F5: variants seen among roughly 807,000 people sequenced by gnomAD.
F5 encodes the protein coagulation factor V.
A neutral mutation model predicts 216.4 loss-of-function variants in F5; 138 were observed. The ratio of observed to expected loss-of-function variants is 0.64; its 90% confidence interval spans 0.56 to 0.73. F5 has a LOEUF of 0.73. F5 is among the 30% of genes least tolerant of loss of function. The pLI, the probability that F5 is intolerant of heterozygous loss-of-function variation, is 0.00. For synonymous variants in F5, 916 were observed against 930.7 expected, an observed-to-expected ratio of 0.98 and a Z score of 0.29; for missense variants, 2,403 against 2,674.0, an observed-to-expected ratio of 0.90 and a Z score of 2.24.
chr1:169,542,876 T>C lies in F5; in HGVS notation c.2214A>G (p.Ser738=). ...NRLAAALGIR[S]FRNSSLNQEE... ...CCTGATTCAATGATGAGTTTCGGAA[T>C]GACCTGATTCCTAATGCTGCAGCCA... The change falls in exon 13 of 25, where the codon TCA becomes TCG. Residue 738 remains serine, a synonymous_variant. Coordinates refer to ENST00000367797, the MANE Select transcript of F5 (RefSeq NM_000130.5). The C allele has an allele frequency of 6.2e-7, 1 of 1,614,200 alleles. No individual in the cohort carries two copies. Among genetic ancestry groups the C allele is most frequent in the Non-Finnish European group, 8.5e-7 (1 of 1,180,004 alleles).
Position 169,542,323 on chromosome 1 carries a change from G to T in F5, c.2767C>A (p.Pro923Thr). 4 of 1,599,426 alleles carry T rather than the reference G, an allele frequency of 2.5e-6. No homozygotes were observed. The highest frequency in any genetic ancestry group is 3.4e-6 in the Non-Finnish European group (4 of 1,168,390). Reference sequence around the variant, plus strand: ...AGATCACTAGGAGGGTCCTTCCAGGGCCTCATTCTGGAAGGAGAACCAGTG... The same window carrying T: ...AGATCACTAGGAGGGTCCTTCCAGGTCCTCATTCTGGAAGGAGAACCAGTG... The part of the protein sequence containing the change: ...QDTGSPSRMR[P>T]WKDPPSDLLL... Residue 923 changes from proline (P) to threonine (T), a missense_variant, in exon 13 of 25, where the codon CCC becomes ACC. Physicochemically the swap from Pro to Thr is conservative, Grantham distance 38 (BLOSUM62 -1). This residue lies in a region of F5 where 1,425 missense variants were observed against 1,554.8 expected (regional missense o/e 0.92). Transcript: ENST00000367797.
intron 2 of F5, among the ~76,000 whole-genome samples, chr1:169,576,545 T>C (rs1660853405): frequency 6.6e-6 from 1 of 152,198 alleles, no homozygotes; most frequent in South Asian, 2.1e-4. Context: ...AACTCAGATC[T>C]CTGGACTCCT....
rs13306332 is a variant in F5 at position 169,541,586 on chromosome 1, T to G, written c.3504A>C (p.Thr1168=). 7.7e-4 allele frequency: 1,242 copies of G among 1,614,142 alleles called. 22 individuals carry two copies. In the East Asian group the frequency reaches 0.026, roughly 33 times the overall value. The change falls in exon 13 of 25, where the codon ACA becomes ACC. Residue 1168 remains threonine, a synonymous_variant. Transcript: ENST00000367797. ...AGGAAGGGGACATTTGACTTATATC[T>G]GTGGGGAAGGACTTGTGACTTCGGT... is the stretch of plus-strand genomic sequence containing the variant. ...EYDRSHKSFP[T]DISQMSPSSE... is the part of the protein sequence containing the mutation.
chr1:169,540,514 T>A lies in F5; in HGVS notation c.4576A>T (p.Ile1526Phe), dbSNP rs1333571728. Reference protein sequence around the residue: ...SKDGTDYIEIIPKEEVQSSED... With the variant: ...SKDGTDYIEIFPKEEVQSSED... ...CTGCTCTGGACCTCTTCCTTTGGAA[T>A]GATCTCAATGTAATCTGTACCATCT... The change falls in exon 13 of 25, where the codon ATT becomes TTT. Residue 1526 changes from isoleucine (I) to phenylalanine (F), a missense_variant. Ile to Phe is a conservative substitution (Grantham distance 21). Transcript: ENST00000367797. 6.2e-7 allele frequency: 1 copy of A among 1,613,978 alleles called. No homozygotes were observed. The highest frequency in any genetic ancestry group is 1.7e-5 in the Admixed American group (1 of 59,980).
chr1:169,582,368 G>T, intron 2 of F5, 63 bp downstream of exon 2: 1 of 908,242 alleles, frequency 1.1e-6, no homozygotes. Context: ...TTAGATGCAT[G>T]TGAATGCCAA....
chr1:169,554,767 AATTTGC>A lies in F5; in HGVS notation c.1118+409_1118+414del, dbSNP rs559849363. ...TAAAAGTAGTATTCCCATGAAGTTTAATTTGCATTTCTGTTATTATGAGTGAATTTG... is the reference window on the plus strand; with the variant it reads ...TAAAAGTAGTATTCCCATGAAGTTTAATTTCTGTTATTATGAGTGAATTTG... On this transcript the variant is annotated intron_variant, in intron 7 of 24. Coordinates refer to ENST00000367797, the MANE Select transcript of F5 (RefSeq NM_000130.5). Among the ~76,000 whole-genome samples, 196 of 152,330 alleles carry A rather than the reference AATTTGC, an allele frequency of 1.3e-3. 2 individuals carry two copies. Among genetic ancestry groups the A allele is most frequent in the Admixed American group, 1.4e-3 (21 of 15,292 alleles).
chr1:169,576,317 G>A (rs923560628), intron 2 of F5, among the ~76,000 whole-genome samples: 2 of 152,130 alleles, frequency 1.3e-5, no homozygotes, highest in Admixed American at 6.6e-5. Context: ...TGCCACCCAC[G>A]GTTGTCCTAT....
In F5 at chr1:169,555,348, C is replaced by T; in HGVS notation, c.953-1G>A. The T allele has an allele frequency of 2.5e-6, 4 of 1,613,906 alleles. No individual in the cohort carries two copies. Among genetic ancestry groups the T allele is most frequent in the Non-Finnish European group, 3.4e-6 (4 of 1,179,940 alleles). On this transcript the variant is annotated splice_acceptor_variant, in intron 6 of 24. Coordinates refer to ENST00000367797, the MANE Select transcript of F5 (RefSeq NM_000130.5). LOFTEE classifies it high-confidence loss of function. ...ATGTCAATGTAAGCCTGCATCCCAG[C>T]TGAGTTAGGACAGAAAGACAATGAA...
At chr1:169,557,018 C>T in intron 5 of F5, 151 bp from the exon 6 acceptor site, 1 of 699,832 alleles carries the variant, frequency 1.4e-6, no homozygotes, top group Non-Finnish European at 2.4e-6. Context: ...GTAGTTTGTG[C>T]CCTGCAAAAG....
chr1:169,572,031 C>T (rs1415935683), intron 3 of F5, among the ~76,000 whole-genome samples, 190 bp downstream of exon 3: 1 of 152,120 alleles, frequency 6.6e-6, no homozygotes, highest in Non-Finnish European at 1.5e-5. Flanking sequence ...GTGAAAAATG[C>T]AGGTCTAGAG....
rs990617645 is a variant in F5 at position 169,550,137 on chromosome 1, T to C, written c.1397-122A>G. ...AAAAGGAATTCTTTTATTTTTATTT[T>C]TTTTAAATTATACTTTAAGTTCTAG... On this transcript the variant is annotated intron_variant, in intron 9 of 24. Coordinates refer to ENST00000367797, the MANE Select transcript of F5 (RefSeq NM_000130.5). The C allele has an allele frequency of 6.1e-6, 5 of 814,938 alleles. No individual in the cohort carries two copies. The Admixed American group carries it at 1.2e-4, about 19-fold the overall frequency. 50.5% of individuals were successfully genotyped at this position (814,938 alleles called of 1,614,324 possible).
At chr1:169,564,786 A>C (rs1660562348) in intron 3 of F5, among the ~76,000 whole-genome samples, 1 of 152,054 alleles carries the variant, frequency 6.6e-6, no homozygotes, top group Admixed American at 6.6e-5. Context: ...ATATGTTTGG[A>C]TTCTCCAGGT....
At position 169,543,085 on chromosome 1, in the gene F5, T is replaced by C. The variant is rs374169951; in HGVS notation, c.2005A>G (p.Ser669Gly). 56 of 1,613,714 alleles carry C rather than the reference T, an allele frequency of 3.5e-5. No individual in the cohort carries two copies. In the African/African-American group the frequency reaches 6.5e-4, roughly 19 times the overall value. ...GTWMLTSMNSSPRSKKLRLKF... is the reference protein window; with the variant it reads ...GTWMLTSMNSGPRSKKLRLKF... ...AGCCTCAGCTTTTTGCTTCTTGGAC[T>C]AGAATTCATGGAAGTTAACATCCAA... is the stretch of plus-strand genomic sequence containing the variant. Residue 669 changes from serine (S) to glycine (G), a missense_variant, in exon 13 of 25, where the codon AGT becomes GGT. Ser to Gly is a moderately conservative substitution (Grantham distance 56). This residue lies in a region of F5 where 1,425 missense variants were observed against 1,554.8 expected (regional missense o/e 0.92). Coordinates refer to ENST00000367797, the MANE Select transcript of F5 (RefSeq NM_000130.5).
chr1:169,539,365 G>A (rs1445070367), intron 13 of F5, among the ~76,000 whole-genome samples: 1 of 152,116 alleles, frequency 6.6e-6, no homozygotes, highest in Non-Finnish European at 1.5e-5. Context: ...TGTGAGCCTT[G>A]AATGGAATAC....
chr1:169,546,519 T>G lies in F5; in HGVS notation c.1685A>C (p.Asn562Thr). The change falls in exon 11 of 25, where the codon AAC (asparagine) becomes ACC (threonine). Residue 562 changes from asparagine to threonine, a missense_variant. By Grantham distance (65) the Asn-to-Thr change is moderately conservative. This residue lies in a region of F5 where 1,425 missense variants were observed against 1,554.8 expected (regional missense o/e 0.92). Transcript: ENST00000367797. ...DENKSWYLED[N>T]INKFCENPDE... ...AGGATTTTCACAAAACTTGTTGATG[T>G]TGTCCTCAAGGTACCAGCTTTTGTT... 6.2e-7 allele frequency: 1 copy of G among 1,614,164 alleles called. No homozygotes were observed. The highest frequency in any genetic ancestry group is 8.5e-7 in the Non-Finnish European group (1 of 1,180,010).
At chr1:169,531,459 A>C (rs540132028) in intron 14 of F5, among the ~76,000 whole-genome samples, 62 of 152,348 alleles carry the variant, frequency 4.1e-4, no homozygotes, top group Non-Finnish European at 7.9e-4. Flanking sequence ...TGGAGGAACA[A>C]TTTGGTTGAA....
Position 169,582,416 on chromosome 1 carries a change from A to G in F5, c.250+15T>C, listed in dbSNP as rs1661010918. The G allele has an allele frequency of 2.9e-6, 4 of 1,370,256 alleles. No individual in the cohort carries two copies. Among genetic ancestry groups the G allele is most frequent in the South Asian group, 1.3e-5 (1 of 79,536 alleles). 84.9% of individuals were successfully genotyped at this position (1,370,256 alleles called of 1,614,324 possible). A position where few individuals can be genotyped will look rare whatever the true frequency, so the allele number is the denominator to read the frequency against. ...AATTTATCTTTAAAATTAAAAAAGT[A>G]TATTTCAGGCTTACCTGAAATGGTA... On this transcript the variant is annotated intron_variant, in intron 2 of 24. Coordinates refer to ENST00000367797, the MANE Select transcript of F5 (RefSeq NM_000130.5).
intron 8 of F5, among the ~76,000 whole-genome samples, chr1:169,551,449 G>C (rs183648576): frequency 1.3e-5 from 2 of 152,224 alleles, no homozygotes; most frequent in African/African-American, 2.4e-5. Flanking sequence ...GACCCTTGGT[G>C]GGGGGGAAAA....
intron 22 of F5, 121 bp from the exon 23 acceptor site, chr1:169,518,684 C>T: frequency 9.0e-7 from 1 of 1,107,246 alleles, no homozygotes; most frequent in Non-Finnish European, 1.3e-6. Flanking sequence ...ATAACCACAA[C>T]AATGAAGATT....
Sources: gnomAD v4.1 joint callset for allele counts (sites outside exome capture counted in the v4.1 genomes callset) on GRCh38, gnomAD v4.1.1 for gene constraint, gnomAD v4.1.1 regional missense constraint, MANE v1.5 for transcripts, NCBI Gene and HGNC (gene_info 2026-07-23, HGNC 2026-07-21) for gene names.